Variants in CADM1 observed in about 807,000 individuals in gnomAD.
The protein encoded by CADM1 is TSLC-1.
CADM1 carries 15 observed loss-of-function variants against 53.1 expected under a neutral mutation model. The ratio of observed to expected loss-of-function variants is 0.28; its 90% CI spans 0.19 to 0.44. CADM1 has a LOEUF of 0.44. Ranked by LOEUF, CADM1 falls within the 20% of genes least tolerant of loss-of-function variation. The pLI, the probability that CADM1 is intolerant of heterozygous loss-of-function variation, is 1.00. For missense variants in CADM1, 434 were observed against 611.3 expected (o/e 0.71, Z 3.06); for synonymous variants, 281 against 243.0 (o/e 1.16, Z -1.45).
intron 1 of CADM1, among the ~76,000 whole-genome samples, chr11:115,366,520 CAG>C (rs1448287656): frequency 7.9e-5 from 12 of 152,266 alleles, no homozygotes; most frequent in East Asian, 1.9e-4. Flanking sequence ...TTTGTATATG[CAG>C]AGAGTTGCTA....
At chr11:115,270,013 G>C (rs997370065) in intron 1 of CADM1, among the ~76,000 whole-genome samples, 2 of 152,336 alleles carry the variant, frequency 1.3e-5, no homozygotes, top group East Asian at 3.9e-4. Context: ...AGGCGACGAA[G>C]AGGATTTGTG....
At chr11:115,503,748 G>A (rs1391964688) in intron 1 of CADM1, among the ~76,000 whole-genome samples, 1 of 152,034 alleles carries the variant, frequency 6.6e-6, no homozygotes, top group Non-Finnish European at 1.5e-5. Flanking sequence ...AGACAAGTCT[G>A]GGGATGTCCT....
intron 1 of CADM1, among the ~76,000 whole-genome samples, chr11:115,410,293 A>AC (rs1309152014): frequency 1.3e-5 from 2 of 152,240 alleles, no homozygotes; most frequent in Non-Finnish European, 2.9e-5. Context: ...CTGGACAATT[A>AC]TGTGGGTAAA....
chr11:115,399,159 A>C (rs1263541248), intron 1 of CADM1: 1 of 152,202 alleles, frequency 6.6e-6, no homozygotes. Context: ...AGTAATGAAA[A>C]AGTGAAATTC....
intron 1 of CADM1, among the ~76,000 whole-genome samples, chr11:115,410,254 C>T (rs1194014597): frequency 6.6e-6 from 1 of 152,216 alleles, no homozygotes; most frequent in Non-Finnish European, 1.5e-5. Context: ...AATTGTGCTT[C>T]TTAGCTTCTC....
chr11:115,271,346 C>T (rs1354820579), intron 1 of CADM1, among the ~76,000 whole-genome samples: 1 of 152,000 alleles, frequency 6.6e-6, no homozygotes, highest in Admixed American at 6.6e-5. Context: ...GCAGTGGTGC[C>T]ATCTCGGCTC....
At chr11:115,352,521 C>G (rs1258653115) in intron 1 of CADM1, among the ~76,000 whole-genome samples, 2 of 152,106 alleles carry the variant, frequency 1.3e-5, no homozygotes, top group Non-Finnish European at 2.9e-5. Flanking sequence ...ATTTTCTTTT[C>G]CCAGAAGCCA....
chr11:115,338,891 AATTT>A (rs1394126430), intron 1 of CADM1, among the ~76,000 whole-genome samples: 1 of 65,676 alleles, frequency 1.5e-5, no homozygotes, highest in African/African-American at 5.2e-5. Context: ...TTTTTTTTTT[AATTT>A]TTTTTTTTTT....
intron 1 of CADM1, among the ~76,000 whole-genome samples, chr11:115,295,539 TATATATATATA>T (rs199512341): frequency 0.14 from 12,999 of 94,446 alleles, 959 homozygotes; most frequent in East Asian, 0.18. Context: ...TATATATATA[TATATATATATA>T]ATATATATGT....
At chr11:115,448,424 A>C (rs1293692047) in intron 1 of CADM1, among the ~76,000 whole-genome samples, 1 of 152,202 alleles carries the variant, frequency 6.6e-6, no homozygotes, top group Non-Finnish European at 1.5e-5. Context: ...TTCTTTCTGC[A>C]ACTTGCTTGT....
intron 1 of CADM1, among the ~76,000 whole-genome samples, chr11:115,461,153 G>GTA (rs1163691344): frequency 6.6e-6 from 1 of 151,872 alleles, no homozygotes; most frequent in Non-Finnish European, 1.5e-5. Context: ...TATATAATAA[G>GTA]TATATATATA....
chr11:115,404,343 AAAAATATAT>A (rs1417533561), intron 1 of CADM1, among the ~76,000 whole-genome samples: 2 of 39,876 alleles, frequency 5.0e-5, no homozygotes, highest in Admixed American at 2.5e-4. Flanking sequence ...AAAAAAAAAA[AAAAATATAT>A]ATATATATAT....
chr11:115,417,599 C>A (rs1947631449), intron 1 of CADM1, among the ~76,000 whole-genome samples: 1 of 152,080 alleles, frequency 6.6e-6, no homozygotes, highest in South Asian at 2.1e-4. Context: ...ACTTCATAAC[C>A]AAGACGGCTA....
intron 1 of CADM1, among the ~76,000 whole-genome samples, chr11:115,465,679 T>G (rs755585881): frequency 1.8e-4 from 27 of 152,178 alleles, no homozygotes; most frequent in Admixed American, 3.9e-4. Flanking sequence ...ACAGTCGATA[T>G]CAGAAAAAGA....
intron 1 of CADM1, among the ~76,000 whole-genome samples, chr11:115,499,752 A>C (rs1221083643): frequency 6.6e-6 from 1 of 152,258 alleles, no homozygotes; most frequent in Non-Finnish European, 1.5e-5. Flanking sequence ...GGATTTCACC[A>C]GATGATTTCT....
chr11:115,399,402 G>C (rs774234008), intron 1 of CADM1: 1 of 152,158 alleles, frequency 6.6e-6, no homozygotes, highest in South Asian at 2.1e-4. Context: ...GACCAGAACA[G>C]AGCACACATG....
At chr11:115,257,810 T>A (rs1942841558) in intron 1 of CADM1, among the ~76,000 whole-genome samples, 1 of 152,218 alleles carries the variant, frequency 6.6e-6, no homozygotes, top group African/African-American at 2.4e-5. Flanking sequence ...TTTGCATACA[T>A]CTGCATTCTC....
intron 1 of CADM1, among the ~76,000 whole-genome samples, chr11:115,397,947 G>A (rs1051006313): frequency 2.6e-5 from 4 of 152,064 alleles, no homozygotes. Context: ...TGGGGAAATG[G>A]GCACATCGCC....
intron 1 of CADM1, among the ~76,000 whole-genome samples, chr11:115,449,499 T>C (rs1948525590): frequency 2.0e-5 from 3 of 152,298 alleles, no homozygotes; most frequent in South Asian, 4.1e-4. Context: ...AGGTCAGTCC[T>C]GTAAAACTGT....
Sources: allele counts gnomAD v4.1 joint callset (sites outside exome capture counted in the v4.1 genomes callset), GRCh38; gene constraint gnomAD v4.1.1; transcripts MANE v1.5; gene names NCBI Gene and HGNC (gene_info 2026-07-23, HGNC 2026-07-21).